GCSAML: variants seen among roughly 807,000 people sequenced by gnomAD.
GCSAML encodes the protein germinal center associated signaling and motility like.
In GCSAML, 9 loss-of-function variants were observed where a neutral mutation model predicts 13.0. The observed-to-expected ratio is 0.69, with a 90% CI of 0.42 to 1.21. The LOEUF (loss-of-function observed/expected upper bound fraction) is 1.21. GCSAML is among the 50% of genes most tolerant of loss of function. GCSAML has a pLI of 0.00. For missense variants in GCSAML, 143 were observed against 153.4 expected (o/e 0.93, Z 0.36); for synonymous variants, 37 against 52.9 (o/e 0.70, Z 1.31).
intron 2 of GCSAML, among the ~76,000 whole-genome samples, chr1:247,534,718 A>G (rs1667148662): frequency 6.6e-6 from 1 of 152,238 alleles, no homozygotes; most frequent in Admixed American, 6.5e-5. Flanking sequence ...CAGCCTTCTT[A>G]AAATCCCAGA....
upstream of GCSAML, among the ~76,000 whole-genome samples, chr1:247,547,734 G>A (rs764901193): frequency 2.0e-5 from 3 of 152,132 alleles, no homozygotes; most frequent in Admixed American, 6.5e-5. Flanking sequence ...TGCCTTTACC[G>A]CTCCATGGAT....
chr1:247,518,662 T>G (rs765463127), intron 1 of GCSAML: 1 of 152,284 alleles, frequency 6.6e-6, no homozygotes, highest in African/African-American at 2.4e-5. Context: ...GCTTTTTCTC[T>G]TCAGGACAAC....
At position 247,521,669 on chromosome 1, in the gene GCSAML, C is replaced by G. The variant is rs539730359; in HGVS notation, c.-262-5271C>G. 6.5e-4 allele frequency among the ~76,000 whole-genome samples: 99 copies of G among 152,336 alleles called. 1 individual carries two copies. The highest frequency in any genetic ancestry group is 1.0e-3 in the Non-Finnish European group (71 of 68,022). On this transcript the variant is annotated intron_variant, in intron 1 of 5. Coordinates refer to the GCSAML transcript ENST00000366489. ...GGTGCTGGGATTGCAGACGGAGTCTCGTTCACTCAGTGCTCAATGTTGCCC... is the reference window on the plus strand; with the variant it reads ...GGTGCTGGGATTGCAGACGGAGTCTGGTTCACTCAGTGCTCAATGTTGCCC...
chr1:247,540,461 C>T (rs1009149259), intron 2 of GCSAML, among the ~76,000 whole-genome samples: 1 of 152,244 alleles, frequency 6.6e-6, no homozygotes, highest in African/African-American at 2.4e-5. Context: ...TGCTCTATTT[C>T]TCTCCGGAGC....
intron 1 of GCSAML, among the ~76,000 whole-genome samples, chr1:247,518,154 G>A (rs1572285429): frequency 6.6e-6 from 1 of 152,216 alleles, no homozygotes; most frequent in Non-Finnish European, 1.5e-5. Context: ...GCCCTCTGAG[G>A]CCTCTGGCTC....
chr1:247,510,703 G>T (rs773720156), intron 1 of GCSAML, among the ~76,000 whole-genome samples: 2 of 151,964 alleles, frequency 1.3e-5, no homozygotes, highest in Admixed American at 1.3e-4. Flanking sequence ...CGTTGTCTTT[G>T]TTCTCCTCGG....
At chr1:247,574,108 G>A in intron 4 of GCSAML, 35 bp from the exon 5 acceptor site, 2 of 1,610,930 alleles carry the variant, frequency 1.2e-6, no homozygotes, top group Non-Finnish European at 8.5e-7. Context: ...GAATGACCGT[G>A]GATCCTTGAT....
chr1:247,530,390 G>A (rs986914125), intron 2 of GCSAML: 12 of 152,032 alleles, frequency 7.9e-5, no homozygotes, highest in East Asian at 3.9e-4. Context: ...ACATAGATAA[G>A]TAAAACAAAA....
At chr1:247,540,887 GA>G (rs947478303) in intron 2 of GCSAML, among the ~76,000 whole-genome samples, 4 of 151,932 alleles carry the variant, frequency 2.6e-5, no homozygotes, top group Non-Finnish European at 5.9e-5. Flanking sequence ...CACCTGCAAG[GA>G]AAAAAACTCA....
intron 1 of GCSAML, among the ~76,000 whole-genome samples, chr1:247,524,244 T>G (rs556258411): frequency 4.6e-5 from 7 of 151,766 alleles, no homozygotes; most frequent in Non-Finnish European, 7.4e-5. Context: ...GAGGGATCTC[T>G]CAGACCTCAC....
At chr1:247,548,056 A>G (rs925182954), upstream of GCSAML, among the ~76,000 whole-genome samples, 14 of 152,236 alleles carry the variant, frequency 9.2e-5, no homozygotes, top group African/African-American at 3.1e-4. This position sits in a 1 kb window ranked among gnomAD's most constrained non-coding sequence, Gnocchi z 5.3. Context: ...TTAACAGTCA[A>G]TTAAACTTCC....
intron 1 of GCSAML, among the ~76,000 whole-genome samples, chr1:247,508,759 A>G (rs1018060994): frequency 2.6e-5 from 4 of 152,158 alleles, no homozygotes; most frequent in African/African-American, 7.2e-5. Context: ...ACCATTTATT[A>G]AGAAGGAATT....
At chr1:247,557,428 G>A (rs564001182) in intron 2 of GCSAML, among the ~76,000 whole-genome samples, 2 of 152,320 alleles carry the variant, frequency 1.3e-5, no homozygotes, top group South Asian at 4.1e-4. Context: ...TAGATGAACA[G>A]AAACACCCTG....
chr1:247,532,137 A>T lies in GCSAML; in HGVS notation c.-148+5083A>T, dbSNP rs757338375. ...TGTAATGGAGTGGCCTGCAGATGGC[A>T]GCGTAGCGGTCATAGGACATGGTGG... On this transcript the variant is annotated intron_variant, in intron 2 of 5. Coordinates refer to the GCSAML transcript ENST00000366489. The T allele has an allele frequency of 4.3e-6, 7 of 1,614,094 alleles. No homozygotes were observed. In the Admixed American group the frequency reaches 1.2e-4, roughly 27 times the overall value.
At chr1:247,573,179 C>T (rs927888097) in intron 4 of GCSAML, among the ~76,000 whole-genome samples, 1 of 152,280 alleles carries the variant, frequency 6.6e-6, no homozygotes, top group East Asian at 1.9e-4. Flanking sequence ...GGGGAGTAAA[C>T]AGTTCTTTCT....
intron 2 of GCSAML, among the ~76,000 whole-genome samples, chr1:247,539,217 G>A (rs1412730945): frequency 2.0e-5 from 3 of 152,088 alleles, no homozygotes; most frequent in Non-Finnish European, 4.4e-5. Flanking sequence ...TGTGATTGGG[G>A]TAGGAAAAAA....
In GCSAML at chr1:247,538,912, AC is replaced by A. The variant is rs1368799117; in HGVS notation, c.-147-10130del. On this transcript the variant is annotated intron_variant, in intron 2 of 5. Coordinates refer to the GCSAML transcript ENST00000366489. ...TCCAGTGCAACACTTTAGAAAACGA[AC>A]CCTGTTGTACACCTGACCTCCTCCA... 14 of 334,802 alleles carry A rather than the reference AC, an allele frequency of 4.2e-5. No individual in the cohort carries two copies. In the East Asian group the frequency reaches 5.2e-4, roughly 13 times the overall value. 20.7% of individuals were successfully genotyped at this position (334,802 alleles called of 1,614,324 possible).
intron 1 of GCSAML, chr1:247,518,344 C>A (rs1666290312): frequency 1.3e-5 from 2 of 152,430 alleles, no homozygotes; most frequent in East Asian, 1.9e-4. Context: ...TCCCCGGCCA[C>A]CCCAGCCGCC....
chr1:247,531,313 C>T (rs980717780), intron 2 of GCSAML: 7 of 539,828 alleles, frequency 1.3e-5, no homozygotes, highest in South Asian at 2.6e-5. Flanking sequence ...AGATGACAGT[C>T]AACATGTGTA....
Sources: allele counts gnomAD v4.1 joint callset (sites outside exome capture counted in the v4.1 genomes callset), GRCh38; gene constraint gnomAD v4.1.1; non-coding constraint Gnocchi (gnomAD v3.1); transcripts MANE v1.5; gene names NCBI Gene and HGNC (gene_info 2026-07-23, HGNC 2026-07-21).